SLCO4C1: variants seen among roughly 807,000 people sequenced by gnomAD.
SLCO4C1 encodes solute carrier organic anion transporter family member 4C1.
SLCO4C1 carries 58 observed loss-of-function variants against 72.1 expected under a neutral mutation model. The ratio of observed to expected loss-of-function variants is 0.80; its 90% CI spans 0.65 to 1.00. The LOEUF is 1.00. Among genes scored for constraint, SLCO4C1 ranks in the 50% least tolerant of loss-of-function variants. The pLI is 0.00. For synonymous variants in SLCO4C1, 297 were observed against 312.5 expected (o/e 0.95, Z 0.52); for missense variants, 898 against 857.9 (o/e 1.05, Z -0.58).
At chr5:102,281,505 A>C (rs143907862) in intron 2 of SLCO4C1, among the ~76,000 whole-genome samples, 90 of 152,266 alleles carry the variant, frequency 5.9e-4, no homozygotes, top group Non-Finnish European at 1.3e-3. Flanking sequence ...ATGAAAAGAC[A>C]TGCTACAGAC....
chr5:102,245,090 A>G (rs1580239977), intron 10 of SLCO4C1, among the ~76,000 whole-genome samples: 1 of 152,328 alleles, frequency 6.6e-6, no homozygotes, highest in East Asian at 1.9e-4. Flanking sequence ...CAACTTTTCA[A>G]GACATAGTAC....
intron 12 of SLCO4C1, among the ~76,000 whole-genome samples, chr5:102,237,435 C>T (rs892155942): frequency 5.3e-5 from 7 of 132,108 alleles, no homozygotes; most frequent in Admixed American, 1.5e-4. Flanking sequence ...AACCCTGTCT[C>T]TACCAAAAAA....
At position 102,249,732 on chromosome 5, in the gene SLCO4C1, C is replaced by T. The variant is rs749242406; in HGVS notation, c.1526G>A (p.Arg509Gln). ...APCNANCNCS[R>Q]SYYYPVCGDG... is the part of the protein sequence containing the mutation. Reference sequence around the variant, plus strand: ...TCCACAGACAGGATAATAATATGATCGCGAACAGTTACAATTGGCATTACA... The same window carrying T: ...TCCACAGACAGGATAATAATATGATTGCGAACAGTTACAATTGGCATTACA... Residue 509 changes from arginine to glutamine, a missense_variant, in exon 9 of 13, where the codon CGA (arginine) becomes CAA (glutamine). Coordinates refer to ENST00000310954, the MANE Select transcript of SLCO4C1 (RefSeq NM_180991.5). 57 of 1,613,772 alleles carry T rather than the reference C, an allele frequency of 3.5e-5. No homozygotes were observed. The highest frequency in any genetic ancestry group is 4.5e-5 in the Non-Finnish European group (53 of 1,179,912).
intron 2 of SLCO4C1, among the ~76,000 whole-genome samples, chr5:102,280,669 G>A (rs1278522525): frequency 6.6e-6 from 1 of 152,086 alleles, no homozygotes; most frequent in Non-Finnish European, 1.5e-5. Context: ...CACGGCTGAA[G>A]GGGAAGCAGG....
In SLCO4C1 at chr5:102,234,191, C is replaced by T. The variant is rs1276539540; in HGVS notation, c.*2667G>A. On this transcript the variant is annotated 3_prime_UTR_variant, in exon 13 of 13. Transcript: ENST00000310954. ...AGTAAATCTAAATGTTAAATTTTAA[C>T]ACATATATCCAATTATGTACACAAT... 1 of 152,500 alleles carries T rather than the reference C, an allele frequency of 6.6e-6. No individual in the cohort carries two copies. The highest frequency in any genetic ancestry group is 1.5e-5 in the Non-Finnish European group (1 of 67,984). 9.4% of individuals were successfully genotyped at this position (152,500 alleles called of 1,614,324 possible).
intron 2 of SLCO4C1, among the ~76,000 whole-genome samples, chr5:102,281,902 G>A (rs1310317946): frequency 1.3e-5 from 2 of 151,982 alleles, no homozygotes; most frequent in Non-Finnish European, 2.9e-5. Flanking sequence ...TTTTACTCCT[G>A]GGCATCTATT....
intron 10 of SLCO4C1, among the ~76,000 whole-genome samples, chr5:102,244,873 C>T (rs940980154): frequency 3.2e-4 from 49 of 152,008 alleles, no homozygotes; most frequent in African/African-American, 1.1e-3. Flanking sequence ...CCAGGCCTGT[C>T]CTATAAGAAA....
At chr5:102,292,745 T>C (rs1749578855) in intron 1 of SLCO4C1, among the ~76,000 whole-genome samples, 1 of 152,286 alleles carries the variant, frequency 6.6e-6, no homozygotes, top group Admixed American at 6.5e-5. Flanking sequence ...CCTGTCCAGA[T>C]ATAGATTAAA....
intron 7 of SLCO4C1, among the ~76,000 whole-genome samples, chr5:102,257,512 T>C (rs1347269484): frequency 6.6e-6 from 1 of 152,166 alleles, no homozygotes; most frequent in African/African-American, 2.4e-5. Context: ...TTAAGATTAA[T>C]ATATGTTCTC....
In SLCO4C1 at chr5:102,291,331, A is replaced by G; in HGVS notation, c.619+12T>C. 2 of 1,608,310 alleles carry G rather than the reference A, an allele frequency of 1.2e-6. No homozygotes were observed. Among genetic ancestry groups the G allele is most frequent in the African/African-American group, 1.3e-5 (1 of 74,418 alleles). On this transcript the variant is annotated intron_variant, in intron 2 of 12. Coordinates refer to ENST00000310954, the MANE Select transcript of SLCO4C1 (RefSeq NM_180991.5). ...TCAGATTAAAACAAACATAAACACA[A>G]TAGAAACTTACCTTCAAAAAGAGAC...
chr5:102,252,504 C>T (rs115597329), intron 8 of SLCO4C1, among the ~76,000 whole-genome samples: 1,688 of 152,208 alleles, frequency 0.011, 16 homozygotes, highest in Non-Finnish European at 0.019. Flanking sequence ...AAAGCCATCA[C>T]CAGAGTGTCC....
At chr5:102,243,396 C>T (rs1748582269) in intron 10 of SLCO4C1, among the ~76,000 whole-genome samples, 1 of 152,098 alleles carries the variant, frequency 6.6e-6, no homozygotes, top group Non-Finnish European at 1.5e-5. Flanking sequence ...TGGAAAAGAC[C>T]CAAAACTGTG....
At chr5:102,256,839 G>T (rs1748844191) in intron 8 of SLCO4C1, among the ~76,000 whole-genome samples, 1 of 152,090 alleles carries the variant, frequency 6.6e-6, no homozygotes. Flanking sequence ...TCGCTTAGAG[G>T]CAAAAATCCT....
At chr5:102,249,879 T>C in intron 8 of SLCO4C1, 91 bp from the exon 9 acceptor site, 3 of 1,259,818 alleles carry the variant, frequency 2.4e-6, no homozygotes, top group South Asian at 1.4e-5. Flanking sequence ...CATTAGGTCA[T>C]TTATTCACTC....
intron 2 of SLCO4C1, among the ~76,000 whole-genome samples, chr5:102,286,467 T>C (rs996834938): frequency 6.6e-6 from 1 of 152,146 alleles, no homozygotes; most frequent in Non-Finnish European, 1.5e-5. Flanking sequence ...GATTTACTTA[T>C]CGCATTTTAA....
In SLCO4C1 at chr5:102,257,178, A is replaced by C; in HGVS notation, c.1406T>G (p.Phe469Cys). The change falls in exon 8 of 13, where the codon TTT becomes TGT. Residue 469 changes from phenylalanine to cysteine, a missense_variant. Phe to Cys is a radical substitution (Grantham distance 205). Coordinates refer to ENST00000310954, the MANE Select transcript of SLCO4C1 (RefSeq NM_180991.5). Reference sequence around the variant, plus strand: ...TTCACATTTGGCATACATAAATACAAAACTCAGCGTAAGTGCAACTCCAGA... The same window carrying C: ...TTCACATTTGGCATACATAAATACACAACTCAGCGTAAGTGCAACTCCAGA... ...FTSGVALTLS[F>C]VFMYAKCENE... 1 of 1,607,974 alleles carries C rather than the reference A, an allele frequency of 6.2e-7. No homozygotes were observed. The highest frequency in any genetic ancestry group is 8.5e-7 in the Non-Finnish European group (1 of 1,177,628).
At chr5:102,241,366 C>A (rs1045464647) in intron 10 of SLCO4C1, among the ~76,000 whole-genome samples, 1 of 151,934 alleles carries the variant, frequency 6.6e-6, no homozygotes, top group African/African-American at 2.4e-5. Context: ...ACTAAAGATC[C>A]TGCCAAAAAA....
intron 6 of SLCO4C1, among the ~76,000 whole-genome samples, chr5:102,259,186 A>G (rs1185405914): frequency 6.6e-6 from 1 of 152,148 alleles, no homozygotes; most frequent in African/African-American, 2.4e-5. Flanking sequence ...CAGACATTCA[A>G]GGATATCTAG....
chr5:102,249,816 A>G, intron 8 of SLCO4C1, 28 bp from the exon 9 acceptor site: 1 of 1,607,458 alleles, frequency 6.2e-7, no homozygotes, highest in South Asian at 1.1e-5. Context: ...AAGAAGGGTA[A>G]ATGATCTGTC....
Sources: allele counts gnomAD v4.1 joint callset (sites outside exome capture counted in the v4.1 genomes callset), GRCh38; gene constraint gnomAD v4.1.1; transcripts MANE v1.5; gene names NCBI Gene and HGNC (gene_info 2026-07-23, HGNC 2026-07-21).